The following PRDM14 variants were observed in gnomAD, a reference collection of about 807,000 sequenced individuals.
PRDM14 encodes PR/SET domain 14, also known as PR domain zinc finger protein 14.
Under a neutral mutation model 48.0 loss-of-function variants are expected in PRDM14, and 16 were observed. The observed-to-expected ratio is 0.33, with a 90% confidence interval of 0.23 to 0.51. The LOEUF (loss-of-function observed/expected upper bound fraction) is 0.51. PRDM14 is among the 20% of genes least tolerant of loss of function. The probability of loss-of-function intolerance (pLI) is 0.97; values close to 1 mark genes in which losing one functional copy is unlikely to be tolerated. For missense variants in PRDM14, 566 were observed against 719.6 expected (o/e 0.79, Z 2.44); for synonymous variants, 264 against 276.6 (o/e 0.95, Z 0.45).
chr8:70,056,037 G>C (rs921274284), intron 6 of PRDM14, among the ~76,000 whole-genome samples: 13 of 152,124 alleles, frequency 8.5e-5, no homozygotes, highest in Non-Finnish European at 1.9e-4. Context: ...AATTATCTAC[G>C]ACTTACAGAG....
At chr8:70,054,328 G>C (rs939182304) in intron 7 of PRDM14, among the ~76,000 whole-genome samples, 2 of 152,236 alleles carry the variant, frequency 1.3e-5, no homozygotes, top group South Asian at 4.1e-4. Flanking sequence ...GCCAGGCACT[G>C]TTACAAGAGT....
chr8:70,066,230 C>T lies in PRDM14; in HGVS notation c.1183+5G>A. 1.2e-6 allele frequency: 2 copies of T among 1,612,604 alleles called. No homozygotes were observed. Among genetic ancestry groups the T allele is most frequent in the Non-Finnish European group, 8.5e-7 (1 of 1,179,792 alleles). ...TCATTGGGCAAGGCGAGGGTGTGCA[C>T]TCACCTTCAGAGGGCCCAGATGGCT... On this transcript the variant is annotated splice_donor_5th_base_variant and intron_variant, in intron 5 of 7. Transcript: ENST00000276594.
At chr8:70,065,965 C>T (rs1187714344) in intron 5 of PRDM14, among the ~76,000 whole-genome samples, 1 of 152,070 alleles carries the variant, frequency 6.6e-6, no homozygotes, top group Non-Finnish European at 1.5e-5. Flanking sequence ...AGTACGTTTT[C>T]TTTTACTCTT....
intron 4 of PRDM14, among the ~76,000 whole-genome samples, chr8:70,067,493 G>T (rs114843839): frequency 0.012 from 1,868 of 150,508 alleles, 51 homozygotes; most frequent in African/African-American, 0.044. Flanking sequence ...ACTCCAACCT[G>T]GGTAACAGAC....
chr8:70,065,298 C>T lies in PRDM14; in HGVS notation c.1183+937G>A, dbSNP rs185314921. On this transcript the variant is annotated intron_variant, in intron 5 of 7. Transcript: ENST00000276594. ...GATTACAGGTGTGAGCCACAGTATC[C>T]GGCCTGCCTTCTCTCTTATTTACAG... Among the ~76,000 whole-genome samples, 5 of 152,182 alleles carry T rather than the reference C, an allele frequency of 3.3e-5. No individual in the cohort carries two copies. The East Asian group carries it at 7.7e-4, about 24-fold the overall frequency.
rs201853601 is a variant in PRDM14, at chr8:70,052,089, A to G, written c.1704T>C (p.His568=). The G allele has an allele frequency of 3.1e-6, 5 of 1,604,840 alleles. No homozygotes were observed. The Admixed American group carries it at 8.4e-5, about 27-fold the overall frequency. ...QETFYSHMKF[H]EDY ...GTGCCTGGCAGGGCTAGTAGTCTTC[A>G]TGAAACTTCATGTGGGAGTAGAATG... is the stretch of plus-strand genomic sequence containing the variant. Residue 568 remains histidine (H), a synonymous_variant, in exon 8 of 8, where the codon CAT becomes CAC. Transcript: ENST00000276594.
chr8:70,056,793 T>A (rs1401561900), intron 6 of PRDM14, among the ~76,000 whole-genome samples: 3 of 121,646 alleles, frequency 2.5e-5, no homozygotes. Flanking sequence ...TACTCTAGCC[T>A]GGGCAACAGA....
Position 70,069,526 on chromosome 8 carries a change from G to A in PRDM14, c.335C>T (p.Pro112Leu), listed in dbSNP as rs1268843071. 5 of 1,605,330 alleles carry A rather than the reference G, an allele frequency of 3.1e-6. No homozygotes were observed. Among genetic ancestry groups the A allele is most frequent in the East Asian group, 2.2e-5 (1 of 44,750 alleles). ...YPIPHVPREV[P>L]PFLSSSHEYA... ...CTCGTGGCTGCTGCTCAGGAAGGGC[G>A]GCACTTCCCTGGGGACGTGGGGAAT... Residue 112 changes from proline (P) to leucine (L), a missense_variant, in exon 2 of 8, where the codon CCG (proline) becomes CTG (leucine). Physicochemically the swap from Pro to Leu is moderately conservative, Grantham distance 98. This residue lies in a region of PRDM14 where 410 missense variants were observed against 424.6 expected (regional missense o/e 0.97). Coordinates refer to ENST00000276594, the MANE Select transcript of PRDM14 (RefSeq NM_024504.4).
At chr8:70,059,578 A>C (rs1805542165) in intron 5 of PRDM14, among the ~76,000 whole-genome samples, 1 of 152,044 alleles carries the variant, frequency 6.6e-6, no homozygotes, top group Admixed American at 6.6e-5. Flanking sequence ...CCGCCAAGAG[A>C]ATTTTTAAAA....
At chr8:70,061,430 C>T (rs1453245155) in intron 5 of PRDM14, among the ~76,000 whole-genome samples, 2 of 152,182 alleles carry the variant, frequency 1.3e-5, no homozygotes, top group Non-Finnish European at 2.9e-5. Flanking sequence ...GCACGTTTAA[C>T]AGGTGGCTAA....
In PRDM14 at chr8:70,069,840, A is replaced by C; in HGVS notation, c.21T>G (p.Ser7Arg). The change falls in exon 2 of 8, where the codon AGT (serine) becomes AGG (arginine). Residue 7 changes from serine to arginine, a missense_variant. This residue lies in a region of PRDM14 where 410 missense variants were observed against 424.6 expected (regional missense o/e 0.97). Transcript: ENST00000276594. ...ACACCTTGTCCTGAGGCACGGCCTC[A>C]CTTGGCCGGGGTAGAGCCATCCCGG... is the stretch of plus-strand genomic sequence containing the variant. MALPRP[S>R]EAVPQDKVCY... The C allele has an allele frequency of 3.7e-6, 6 of 1,604,650 alleles. No homozygotes were observed. The highest frequency in any genetic ancestry group is 5.1e-6 in the Non-Finnish European group (6 of 1,176,122).
Position 70,069,266 on chromosome 8 carries a change from C to T in PRDM14, c.595G>A (p.Glu199Lys), listed in dbSNP as rs200062567. ...TACAGAACGAAGTGCAGGTCCTCCT[C>T]CGTGAACTGGAACCGAGCAGGGGAC... ...GKSPARFQFT[E>K]EDLHFVLYGV... Residue 199 changes from glutamate (E) to lysine (K), a missense_variant, in exon 2 of 8, where the codon GAG becomes AAG. By Grantham distance (56) the Glu-to-Lys change is moderately conservative. Transcript: ENST00000276594. 1.6e-4 allele frequency: 251 copies of T among 1,610,248 alleles called. 3 individuals are homozygous for T. The highest frequency in any genetic ancestry group is 1.3e-3 in the Middle Eastern group (8 of 6,046).
chr8:70,069,994 C>A (rs1805740415), intron 1 of PRDM14, 110 bp from the exon 2 acceptor site: 1 of 636,186 alleles, frequency 1.6e-6, no homozygotes, highest in Non-Finnish European at 2.7e-6. Context: ...TCCAAGGGAA[C>A]AGGATAAACG....
intron 4 of PRDM14, 151 bp downstream of exon 4, chr8:70,068,079 C>G (rs774177117): frequency 1.1e-4 from 95 of 852,858 alleles, no homozygotes; most frequent in Non-Finnish European, 1.5e-4. Flanking sequence ...CTGGCCGTTC[C>G]TTCCTTTTAC....
Position 70,051,770 on chromosome 8 carries a change from T to TTTTGTTGTG in PRDM14, c.*306_*307insCACAACAAA. The TTTTGTTGTG allele has an allele frequency of 4.0e-6, 1 of 247,398 alleles. No homozygotes were observed. The allele number at this position is 247,398 out of a possible 1,614,324, so 15.3% of individuals were successfully genotyped here. A position where few individuals can be genotyped will look rare whatever the true frequency, so the allele number is the denominator to read the frequency against. ...CCACACTCTTGAGGGCTACTCATTT[T>TTTTGTTGTG]TTTTGTTTTGTTTTGTTTTGAGACA... is the stretch of plus-strand genomic sequence containing the variant. On this transcript the variant is annotated 3_prime_UTR_variant, in exon 8 of 8. Transcript: ENST00000276594.
intron 4 of PRDM14, among the ~76,000 whole-genome samples, chr8:70,067,267 TC>T (rs1384686661): frequency 6.6e-6 from 1 of 152,192 alleles, no homozygotes; most frequent in Non-Finnish European, 1.5e-5. Flanking sequence ...ACACCTGTAA[TC>T]CCCGCACTTT....
rs1446694210 is a variant in PRDM14 at position 70,052,148 on chromosome 8, T to G, written c.1645A>C (p.Ser549Arg). The change falls in exon 8 of 8, where the codon AGC becomes CGC. Residue 549 changes from serine to arginine, a missense_variant. Ser to Arg is a moderately radical substitution (Grantham distance 110). Transcript: ENST00000276594. The part of the protein sequence containing the change: ...SHKEDDGCSC[S>R]ICGKIFSDQE... ...TCTGAGAAGATTTTCCCACAGATGCTGCATGAGCAGCCATCATCCTCCTTG... is the reference window on the plus strand; with the variant it reads ...TCTGAGAAGATTTTCCCACAGATGCGGCATGAGCAGCCATCATCCTCCTTG... 1 of 1,613,166 alleles carries G rather than the reference T, an allele frequency of 6.2e-7. No individual in the cohort carries two copies. The highest frequency in any genetic ancestry group is 8.5e-7 in the Non-Finnish European group (1 of 1,179,898).
At chr8:70,068,122 T>A (rs568484780) in intron 4 of PRDM14, 108 bp downstream of exon 4, 17 of 1,231,718 alleles carry the variant, frequency 1.4e-5, no homozygotes, top group Admixed American at 3.7e-5. Flanking sequence ...CTGCCCTGGA[T>A]GTCCTCTCTC....
In PRDM14 at chr8:70,069,877, C is replaced by T. The variant is rs202174783; in HGVS notation, c.-17G>A. The T allele has an allele frequency of 1.9e-6, 3 of 1,554,178 alleles. No individual in the cohort carries two copies. The highest frequency in any genetic ancestry group is 2.3e-5 in the East Asian group (1 of 43,088). ...TAGAGCCATCCCGGGACCGCACGCT[C>T]GGCGGCTCTGCAGAAAAGCGGGCGC... On this transcript the variant is annotated 5_prime_UTR_variant, in exon 2 of 8. Transcript: ENST00000276594.
Sources: gnomAD v4.1 joint callset for allele counts (sites outside exome capture counted in the v4.1 genomes callset) on GRCh38, gnomAD v4.1.1 for gene constraint, gnomAD v4.1.1 regional missense constraint, MANE v1.5 for transcripts, NCBI Gene and HGNC (gene_info 2026-07-23, HGNC 2026-07-21) for gene names.